Variants in STRN observed in about 807,000 individuals in gnomAD.
The protein encoded by STRN is protein phosphatase 2 regulatory subunit B'''alpha.
STRN carries 53 observed loss-of-function variants against 96.3 expected under a neutral mutation model. The observed-to-expected ratio is 0.55, with a 90% confidence interval of 0.44 to 0.69. The LOEUF (loss-of-function observed/expected upper bound fraction) is 0.69, where lower values mean the gene tolerates loss of function less well. STRN is among the 30% of genes least tolerant of loss of function. STRN has a pLI of 0.00. For missense variants in STRN, 987 were observed against 963.9 expected (o/e 1.02, Z -0.32); for synonymous variants, 428 against 355.9 (o/e 1.20, Z -2.28).
intron 1 of STRN, among the ~76,000 whole-genome samples, chr2:36,958,160 T>A (rs1013643033): frequency 1.3e-5 from 2 of 152,036 alleles, no homozygotes; most frequent in Non-Finnish European, 2.9e-5. Flanking sequence ...CCTCAGGTGA[T>A]CTGCCCGCCT....
At chr2:36,941,823 G>C (rs1670852826) in intron 1 of STRN, among the ~76,000 whole-genome samples, 1 of 151,746 alleles carries the variant, frequency 6.6e-6, no homozygotes, top group South Asian at 2.1e-4. Flanking sequence ...AAAGTGCTGG[G>C]ATTACAGGCG....
rs187507435 is a variant in STRN, at chr2:36,920,427, T to C, written c.339-4276A>G. ...GCCGAGGTGGGCAGATCACCTGAGG[T>C]TGGGAGTTCGAAACCAGTCTAACCA... On this transcript the variant is annotated intron_variant, in intron 2 of 17. Transcript: ENST00000263918. Among the ~76,000 whole-genome samples, 5 of 150,570 alleles carry C rather than the reference T, an allele frequency of 3.3e-5. No individual in the cohort carries two copies. The South Asian group carries it at 8.4e-4, about 25-fold the overall frequency.
chr2:36,860,945 TTTC>T (rs1668463102), intron 13 of STRN, among the ~76,000 whole-genome samples, 184 bp downstream of exon 13: 1 of 152,222 alleles, frequency 6.6e-6, no homozygotes, highest in Non-Finnish European at 1.5e-5. Flanking sequence ...GTGTTCTTCT[TTTC>T]TTCTTTTAGC....
At chr2:36,855,173 A>G in intron 15 of STRN, 39 bp downstream of exon 15, 1 of 1,598,494 alleles carries the variant, frequency 6.3e-7, no homozygotes, top group Non-Finnish European at 8.5e-7. Context: ...GATTAAGTTA[A>G]AAAAATAAAC....
At chr2:36,957,747 T>TG (rs1664927585) in intron 1 of STRN, among the ~76,000 whole-genome samples, 1 of 74,722 alleles carries the variant, frequency 1.3e-5, no homozygotes, top group South Asian at 5.5e-4. Flanking sequence ...TTTTTGTCTT[T>TG]TTTTTTTTTT....
chr2:36,857,882 G>C lies in STRN; in HGVS notation c.1811C>G (p.Ala604Gly). 6.2e-7 allele frequency: 1 copy of C among 1,614,040 alleles called. No individual in the cohort carries two copies. Among genetic ancestry groups the C allele is most frequent in the Non-Finnish European group, 8.5e-7 (1 of 1,179,970 alleles). ...TTTAGTATCATTAAATACACTTAGT[G>C]CTGGAGCAACCTCAGTTGTATTCCA... ...RLWNTTEVAP[A>G]LSVFNDTKEL... Residue 604 changes from alanine to glycine, a missense_variant, in exon 14 of 18, where the codon GCA becomes GGA. Physicochemically the swap from Ala to Gly is moderately conservative, Grantham distance 60. Coordinates refer to ENST00000263918, the MANE Select transcript of STRN (RefSeq NM_003162.4).
chr2:36,955,355 G>T (rs1664859300), intron 1 of STRN, among the ~76,000 whole-genome samples: 1 of 152,206 alleles, frequency 6.6e-6, no homozygotes, highest in African/African-American at 2.4e-5. Context: ...AATATTCTTA[G>T]TCTAATGAAG....
chr2:36,937,782 A>C (rs557011458), intron 1 of STRN, among the ~76,000 whole-genome samples: 1 of 152,314 alleles, frequency 6.6e-6, no homozygotes, highest in Non-Finnish European at 1.5e-5. Flanking sequence ...ATAAATATGT[A>C]TCTTGAAAAG....
chr2:36,952,903 G>C (rs1215538149), intron 1 of STRN, among the ~76,000 whole-genome samples: 6 of 152,144 alleles, frequency 3.9e-5, no homozygotes, highest in Non-Finnish European at 8.8e-5. Context: ...TATAATTTAA[G>C]CTCTTTTGCT....
At chr2:36,898,154 A>G (rs1441392959) in intron 6 of STRN, among the ~76,000 whole-genome samples, 1 of 152,256 alleles carries the variant, frequency 6.6e-6, no homozygotes, top group Non-Finnish European at 1.5e-5. Flanking sequence ...TATCACTAAC[A>G]GAAACATAGC....
rs183888121 is a variant in STRN at position 36,961,271 on chromosome 2, G to A, written c.234+4959C>T. ...CCTCCCAAGTAGCTGGGACTAACCC[G>A]GCTAATTAAAAAAATTTTTTTTTCT... On this transcript the variant is annotated intron_variant, in intron 1 of 17. Transcript: ENST00000263918. 4.9e-4 allele frequency among the ~76,000 whole-genome samples: 73 copies of A among 150,258 alleles called. No individual in the cohort carries two copies. In the East Asian group the frequency reaches 0.013, roughly 27 times the overall value.
rs531866583 is a variant in STRN at position 36,963,021 on chromosome 2, CT to C, written c.234+3208del. Among the ~76,000 whole-genome samples the C allele has an allele frequency of 3.2e-3, 484 of 152,202 alleles. 5 individuals are homozygous for C. The highest frequency in any genetic ancestry group is 0.011 in the African/African-American group (452 of 41,522). On this transcript the variant is annotated intron_variant, in intron 1 of 17. Transcript: ENST00000263918. ...AAGCTCACTAATAATCTTAATCATT[CT>C]TTTTTTCCCCCCATGAACTACTGCC...
intron 5 of STRN, among the ~76,000 whole-genome samples, chr2:36,900,673 G>C (rs1386445036): frequency 2.6e-5 from 4 of 152,022 alleles, no homozygotes; most frequent in South Asian, 4.2e-4. Flanking sequence ...GGCGGATCAC[G>C]AGGTCAAGAG....
chr2:36,944,498 G>A (rs1670930458), intron 1 of STRN, among the ~76,000 whole-genome samples: 1 of 152,160 alleles, frequency 6.6e-6, no homozygotes, highest in Non-Finnish European at 1.5e-5. Context: ...ATAAGCCCAT[G>A]TCTGTTATTT....
chr2:36,934,232 A>T (rs556833196), intron 1 of STRN, among the ~76,000 whole-genome samples: 4 of 152,328 alleles, frequency 2.6e-5, no homozygotes, highest in Admixed American at 2.0e-4. Flanking sequence ...GAAATGTTCT[A>T]TATCTCCCCC....
chr2:36,874,717 TA>T (rs35268065), intron 10 of STRN, among the ~76,000 whole-genome samples: 11,836 of 86,376 alleles, frequency 0.14, 556 homozygotes, highest in Admixed American at 0.24. Flanking sequence ...TGTTTAGAGT[TA>T]AAAAAAAAAA....
chr2:36,905,489 A>G (rs1363742452), intron 4 of STRN, 51 bp downstream of exon 4: 2 of 1,512,530 alleles, frequency 1.3e-6, no homozygotes, highest in African/African-American at 2.7e-5. Flanking sequence ...TAACTTCATA[A>G]AACTGTTTCT....
At chr2:36,919,268 T>C (rs879566485) in intron 2 of STRN, among the ~76,000 whole-genome samples, 10 of 152,162 alleles carry the variant, frequency 6.6e-5, no homozygotes, top group Non-Finnish European at 1.5e-4. Flanking sequence ...CAGCATACTG[T>C]GTAAGAGCTA....
intron 4 of STRN, among the ~76,000 whole-genome samples, chr2:36,904,762 C>G (rs1055277965): frequency 2.6e-5 from 4 of 152,142 alleles, no homozygotes; most frequent in Admixed American, 1.3e-4. Flanking sequence ...CAGGAGGCAG[C>G]AGTTGCTGTA....
Sources: allele counts gnomAD v4.1 joint callset (sites outside exome capture counted in the v4.1 genomes callset), GRCh38; gene constraint gnomAD v4.1.1; transcripts MANE v1.5; gene names NCBI Gene and HGNC (gene_info 2026-07-23, HGNC 2026-07-21).